DLG1: variants seen among roughly 807,000 people sequenced by gnomAD.
DLG1 encodes discs large MAGUK scaffold protein 1, also known as disks large homolog 1.
DLG1 carries 42 observed loss-of-function variants against 123.4 expected under a neutral mutation model. The ratio of observed to expected loss-of-function variants is 0.34; its 90% CI spans 0.27 to 0.44. The LOEUF is 0.44. Ranked by LOEUF, DLG1 falls within the 20% of genes least tolerant of loss-of-function variation. The pLI is 1.00. For synonymous variants in DLG1, 317 were observed against 356.2 expected, an observed-to-expected ratio of 0.89 and a Z score of 1.24; for missense variants, 942 against 1,082.6, an observed-to-expected ratio of 0.87 and a Z score of 1.82.
chr3:197,105,465 C>T (rs1765821795), intron 13 of DLG1, among the ~76,000 whole-genome samples: 1 of 152,192 alleles, frequency 6.6e-6, no homozygotes, highest in African/African-American at 2.4e-5. Context: ...CAAACTAAAA[C>T]TTCCATTCTT....
chr3:197,116,308 C>T (rs866869954), intron 12 of DLG1, among the ~76,000 whole-genome samples: 19 of 151,294 alleles, frequency 1.3e-4, no homozygotes, highest in African/African-American at 4.1e-4. Flanking sequence ...TTATATAAAA[C>T]AGAAATGAAA....
chr3:197,133,600 C>T (rs1783715327), intron 10 of DLG1, among the ~76,000 whole-genome samples: 1 of 152,078 alleles, frequency 6.6e-6, no homozygotes, highest in Non-Finnish European at 1.5e-5. Context: ...AAGTTTTACG[C>T]CAGAGAAAAG....
intron 6 of DLG1, among the ~76,000 whole-genome samples, chr3:197,147,512 G>T (rs1358239319): frequency 2.0e-5 from 3 of 151,214 alleles, no homozygotes; most frequent in African/African-American, 7.3e-5. Flanking sequence ...TGAAATAATG[G>T]CATTTGCAGC....
chr3:197,127,479 TATATATATATATATATAAAG>T, intron 11 of DLG1, among the ~76,000 whole-genome samples: 1 of 93,420 alleles, frequency 1.1e-5, no homozygotes, highest in Admixed American at 1.2e-4. Context: ...TATATATATA[TATATATATATATATATAAAG>T]TAAGAAACCT....
At chr3:197,144,643 T>G (rs1577031675) in intron 6 of DLG1, among the ~76,000 whole-genome samples, 1 of 152,302 alleles carries the variant, frequency 6.6e-6, no homozygotes, top group East Asian at 1.9e-4. Context: ...AGCCCTTAAT[T>G]CAGGTCTAAT....
chr3:197,275,614 G>A (rs78832902), intron 4 of DLG1, among the ~76,000 whole-genome samples: 6,229 of 152,288 alleles, frequency 0.041, 183 homozygotes, highest in Non-Finnish European at 0.055. Flanking sequence ...GAGCCTGAAG[G>A]ATATCTTATG....
At chr3:197,176,492 C>A (rs148212216) in intron 5 of DLG1, among the ~76,000 whole-genome samples, 39 of 152,140 alleles carry the variant, frequency 2.6e-4, no homozygotes, top group Middle Eastern at 3.4e-3. Flanking sequence ...CCCTGGCAAC[C>A]ACTGATCTTT....
intron 5 of DLG1, among the ~76,000 whole-genome samples, chr3:197,164,100 G>A (rs1475990628): frequency 2.6e-5 from 4 of 151,860 alleles, no homozygotes; most frequent in Admixed American, 2.0e-4. Context: ...CTTTAAAAAT[G>A]TCTAAACTTG....
intron 15 of DLG1, 120 bp from the exon 16 acceptor site, chr3:197,085,876 C>A (rs1754044256): frequency 4.6e-6 from 4 of 861,556 alleles, no homozygotes; most frequent in Non-Finnish European, 7.0e-6. Flanking sequence ...CCAAATAATG[C>A]CCAGTTCAAT....
intron 24 of DLG1, among the ~76,000 whole-genome samples, chr3:197,050,183 T>C (rs533532756): frequency 2.6e-5 from 4 of 152,080 alleles, no homozygotes; most frequent in East Asian, 3.9e-4. Context: ...CTGGCTAACA[T>C]GGTGAAACCC....
chr3:197,261,251 A>G (rs943004403), intron 4 of DLG1, among the ~76,000 whole-genome samples: 73 of 152,208 alleles, frequency 4.8e-4, no homozygotes, highest in African/African-American at 1.7e-3. Flanking sequence ...TCAGTATCAT[A>G]AGCTTCCAGC....
At chr3:197,102,284 C>T (rs1763908916) in intron 14 of DLG1, among the ~76,000 whole-genome samples, 1 of 152,040 alleles carries the variant, frequency 6.6e-6, no homozygotes, top group Admixed American at 6.6e-5. Flanking sequence ...ATAAGGCAAA[C>T]CATAGATCCT....
At chr3:197,261,477 AT>A (rs1273247444) in intron 4 of DLG1, among the ~76,000 whole-genome samples, 2 of 152,184 alleles carry the variant, frequency 1.3e-5, no homozygotes, top group African/African-American at 4.8e-5. Context: ...TTTCTAACAA[AT>A]TTTTAATGCA....
At chr3:197,261,757 A>T (rs146457430) in intron 4 of DLG1, among the ~76,000 whole-genome samples, 1 of 152,210 alleles carries the variant, frequency 6.6e-6, no homozygotes, top group East Asian at 1.9e-4. Flanking sequence ...CAATGTTGTT[A>T]TTACTATTAT....
At chr3:197,179,342 G>A (rs1808859757) in intron 5 of DLG1, among the ~76,000 whole-genome samples, 1 of 152,116 alleles carries the variant, frequency 6.6e-6, no homozygotes, top group African/African-American at 2.4e-5. Context: ...AGAAGGGAGT[G>A]CTAGGAGGGG....
At chr3:197,144,831 G>T (rs111879100) in intron 6 of DLG1, among the ~76,000 whole-genome samples, 1 of 152,078 alleles carries the variant, frequency 6.6e-6, no homozygotes, top group African/African-American at 2.4e-5. Flanking sequence ...CATTTATATA[G>T]AGAGAGTTGG....
At chr3:197,190,219 C>T (rs1220637824) in intron 5 of DLG1, among the ~76,000 whole-genome samples, 2 of 152,160 alleles carry the variant, frequency 1.3e-5, no homozygotes, top group Admixed American at 6.5e-5. Context: ...AAGGAGGATT[C>T]GACAAATGAT....
At chr3:197,121,823 C>CCAA (rs1776541691) in intron 11 of DLG1, among the ~76,000 whole-genome samples, 1 of 102,002 alleles carries the variant, frequency 9.8e-6, no homozygotes, top group Non-Finnish European at 1.9e-5. Context: ...ACAATCACCA[C>CCAA]AAAAAAAAAA....
rs557242610 is a variant in DLG1 at position 197,157,456 on chromosome 3, T to C, written c.484-7660A>G. Among the ~76,000 whole-genome samples the C allele has an allele frequency of 2.0e-5, 3 of 152,270 alleles. No homozygotes were observed. The South Asian group carries it at 6.2e-4, about 32-fold the overall frequency. ...CGAAAAGAACAAATTTTCAGAACAC[T>C]GAGCCTCCTAAATGAAGAATTAACT... On this transcript the variant is annotated intron_variant, in intron 5 of 24. Coordinates refer to ENST00000667157, the MANE Select transcript of DLG1 (RefSeq NM_001366207.1).
Sources: allele counts gnomAD v4.1 joint callset (sites outside exome capture counted in the v4.1 genomes callset), GRCh38; gene constraint gnomAD v4.1.1; transcripts MANE v1.5; gene names NCBI Gene and HGNC (gene_info 2026-07-23, HGNC 2026-07-21).